LOXHD1: variants seen among roughly 807,000 people sequenced by gnomAD.
LOXHD1 encodes lipoxygenase homology PLAT domains 1, also known as lipoxygenase homology domain-containing protein 1.
In LOXHD1, 205 loss-of-function variants were observed where a neutral mutation model predicts 248.2. The ratio of observed to expected loss-of-function variants is 0.83; its 90% CI spans 0.74 to 0.93. The LOEUF is 0.93. Ranked by LOEUF, LOXHD1 falls within the 40% of genes least tolerant of loss-of-function variation. LOXHD1 has a pLI of 0.00. For missense variants in LOXHD1, 2,930 were observed against 2,971.6 expected (o/e 0.99, Z 0.33); for synonymous variants, 1,113 against 1,162.8 (o/e 0.96, Z 0.87).
chr18:46,478,818 G>A (rs1010415886), intron 40 of LOXHD1, among the ~76,000 whole-genome samples: 1 of 152,126 alleles, frequency 6.6e-6, no homozygotes, highest in Non-Finnish European at 1.5e-5. Context: ...TCAGCCTCCT[G>A]AGAAGCTGGA....
At chr18:46,584,847 A>G (rs1348593747) in intron 12 of LOXHD1, among the ~76,000 whole-genome samples, 2 of 152,188 alleles carry the variant, frequency 1.3e-5, no homozygotes, top group South Asian at 4.1e-4. Flanking sequence ...CCAGCGACAT[A>G]TCAAAAGAAT....
Position 46,602,782 on chromosome 18 carries a change from G to GA in LOXHD1, c.884-1316dup, listed in dbSNP as rs879579049. On this transcript the variant is annotated intron_variant, in intron 7 of 40. Transcript: ENST00000642948. ...ATAAAAAGGAATGGTCATTGCTCTA[G>GA]AAAAAAAAAATAGGTCTCGAGCTTT... Among the ~76,000 whole-genome samples the GA allele has an allele frequency of 1.5e-3, 216 of 147,320 alleles. 1 individual carries two copies. Among genetic ancestry groups the GA allele is most frequent in the African/African-American group, 4.3e-3 (173 of 40,116 alleles).
intron 21 of LOXHD1, among the ~76,000 whole-genome samples, chr18:46,556,134 A>G (rs2037320548): frequency 6.6e-6 from 1 of 151,680 alleles, no homozygotes; most frequent in South Asian, 2.1e-4. Flanking sequence ...TCAAAATGAC[A>G]CAGCCATGCC....
intron 14 of LOXHD1, among the ~76,000 whole-genome samples, chr18:46,572,806 G>A (rs763942719): frequency 1.1e-4 from 16 of 151,926 alleles, no homozygotes; most frequent in East Asian, 3.9e-4. Context: ...GGTGGATCAC[G>A]AGGTCAGGAG....
intron 26 of LOXHD1, among the ~76,000 whole-genome samples, chr18:46,536,433 A>G (rs528435903): frequency 6.6e-6 from 1 of 152,290 alleles, no homozygotes; most frequent in African/African-American, 2.4e-5. Context: ...GCAGAGAGAC[A>G]GAGGCCAGGA....
intron 8 of LOXHD1, among the ~76,000 whole-genome samples, chr18:46,596,339 C>A (rs78966447): frequency 6.6e-6 from 1 of 152,014 alleles, no homozygotes; most frequent in Non-Finnish European, 1.5e-5. Context: ...ACAGAGAAGC[C>A]ATAAGAACCA....
At chr18:46,596,314 A>T (rs1255497808) in intron 8 of LOXHD1, among the ~76,000 whole-genome samples, 1 of 152,184 alleles carries the variant, frequency 6.6e-6, no homozygotes, top group Non-Finnish European at 1.5e-5. Flanking sequence ...TACATTGCTG[A>T]GCTGCCAAGG....
At chr18:46,512,085 G>A (rs751300442) in intron 34 of LOXHD1, among the ~76,000 whole-genome samples, 25 of 152,130 alleles carry the variant, frequency 1.6e-4, no homozygotes, top group Non-Finnish European at 3.2e-4. Flanking sequence ...CTTCCATAAA[G>A]TTAAGGAGAG....
rs950165733 is a variant in LOXHD1, at chr18:46,477,482, G to A, written c.6812C>T (p.Pro2271Leu). ...GDGLTWRDLF[P>L]SV The stretch of plus-strand genomic sequence containing the variant: ...GGGGGCCCTAGCCCCTCAGACAGAA[G>A]GGAAGAGGTCTCTCCAGGTGAGTCC... The change falls in exon 41 of 41, where the codon CCT (proline) becomes CTT (leucine). Residue 2271 changes from proline to leucine, a missense_variant. Pro to Leu is a moderately conservative substitution (Grantham distance 98). Transcript: ENST00000642948. 5 of 1,545,912 alleles carry A rather than the reference G, an allele frequency of 3.2e-6. No individual in the cohort carries two copies. In the Admixed American group the frequency reaches 9.8e-5, roughly 30 times the overall value.
At chr18:46,642,977 A>G (rs1234732328) in intron 2 of LOXHD1, among the ~76,000 whole-genome samples, 2 of 152,230 alleles carry the variant, frequency 1.3e-5, no homozygotes, top group South Asian at 2.1e-4. Context: ...GATGTGTGCC[A>G]TCACAGAAGA....
chr18:46,559,389 A>T, intron 20 of LOXHD1, 59 bp downstream of exon 20: 2 of 1,551,164 alleles, frequency 1.3e-6, no homozygotes, highest in South Asian at 2.4e-5. Flanking sequence ...CTGCCATGGG[A>T]ATCTCAGAGG....
At chr18:46,603,719 G>C (rs1239399686) in intron 7 of LOXHD1, among the ~76,000 whole-genome samples, 2 of 152,186 alleles carry the variant, frequency 1.3e-5, no homozygotes, top group African/African-American at 4.8e-5. Context: ...GGGTGGTTGT[G>C]AGGACTGAAG....
In LOXHD1 at chr18:46,656,923, G is replaced by T. The variant is rs1209643948; in HGVS notation, c.111C>A (p.His37Gln). ...CCGCACCTCTGGCCTTGTAGTACTC[G>T]TGTTCCAGCTCCCCCTCGTCGTCCT... Reference protein sequence around the residue: ...ASEDDEGELEHEYYKARVYEV... With the variant: ...ASEDDEGELEQEYYKARVYEV... The change falls in exon 1 of 41, where the codon CAC becomes CAA. Residue 37 changes from histidine to glutamine, a missense_variant. Transcript: ENST00000642948. The T allele has an allele frequency of 6.4e-7, 1 of 1,551,406 alleles. No individual in the cohort carries two copies. The highest frequency in any genetic ancestry group is 8.7e-7 in the Non-Finnish European group (1 of 1,146,912).
chr18:46,520,865 C>T, intron 33 of LOXHD1: 1 of 545,010 alleles, frequency 1.8e-6, no homozygotes, highest in Non-Finnish European at 3.3e-6. Flanking sequence ...ATGGGAAGAC[C>T]AAGGCCCAGA....
Position 46,618,240 on chromosome 18 carries a change from T to C in LOXHD1, c.562A>G (p.Thr188Ala), listed in dbSNP as rs2038617141. Residue 188 changes from threonine to alanine, a missense_variant, in exon 5 of 41, where the codon ACA becomes GCA. Coordinates refer to ENST00000642948, the MANE Select transcript of LOXHD1 (RefSeq NM_001384474.1). ...VYTGDVIGAG[T>A]DADVFINIFG... ...ATATTGATGAAGACATCAGCATCTG[T>C]CCCTGCACCAATTACATCACCAGTG... is the stretch of plus-strand genomic sequence containing the variant. 3.2e-6 allele frequency: 5 copies of C among 1,551,560 alleles called. No homozygotes were observed. The East Asian group carries it at 1.2e-4, about 38-fold the overall frequency.
intron 33 of LOXHD1, among the ~76,000 whole-genome samples, chr18:46,519,617 C>A (rs899535748): frequency 1.3e-5 from 2 of 152,070 alleles, no homozygotes; most frequent in Non-Finnish European, 2.9e-5. Flanking sequence ...AACAAAAGTG[C>A]GAGCCTGACA....
chr18:46,559,295 T>G, intron 20 of LOXHD1, 153 bp downstream of exon 20: 1 of 1,542,002 alleles, frequency 6.5e-7, no homozygotes, highest in Non-Finnish European at 8.7e-7. Context: ...AAAGTATCAG[T>G]GTTACTGAAG....
intron 33 of LOXHD1, among the ~76,000 whole-genome samples, chr18:46,519,500 A>G (rs1472073394): frequency 2.0e-5 from 3 of 152,188 alleles, no homozygotes; most frequent in Non-Finnish European, 2.9e-5. Flanking sequence ...GGAGAAATTC[A>G]GGACATGTTT....
Position 46,642,000 on chromosome 18 carries a change from C to G in LOXHD1, c.282G>C (p.Val94=). ...CCACATTGTTGGTTCTCACCCGGAACACATCGACGTTGCCCTTCTCAAAGG... is the reference window on the plus strand; with the variant it reads ...CCACATTGTTGGTTCTCACCCGGAAGACATCGACGTTGCCCTTCTCAAAGG... ...KSAFEKGNVD[V]FRVRTNNVGL... is the part of the protein sequence containing the mutation. Residue 94 remains valine, a synonymous_variant, in exon 3 of 41, where the codon GTG becomes GTC. Transcript: ENST00000642948. The G allele has an allele frequency of 6.4e-7, 1 of 1,552,360 alleles. No homozygotes were observed. Among genetic ancestry groups the G allele is most frequent in the Non-Finnish European group, 8.7e-7 (1 of 1,147,122 alleles).
Sources: allele counts gnomAD v4.1 joint callset (sites outside exome capture counted in the v4.1 genomes callset), GRCh38; gene constraint gnomAD v4.1.1; transcripts MANE v1.5; gene names NCBI Gene and HGNC (gene_info 2026-07-23, HGNC 2026-07-21).